DPH6: variants seen among roughly 807,000 people sequenced by gnomAD.
DPH6 encodes diphthamine biosynthesis 6, also known as diphthine--ammonia ligase.
Under a neutral mutation model 38.2 loss-of-function variants are expected in DPH6, and 33 were observed. That is an observed-to-expected ratio of 0.86 (90% CI 0.65 to 1.15). The LOEUF (loss-of-function observed/expected upper bound fraction) is 1.15. Among genes scored for constraint, DPH6 ranks in the 50% most tolerant of loss-of-function variants. The pLI is 0.00. For missense variants in DPH6, 325 were observed against 320.0 expected (o/e 1.02, Z -0.12); for synonymous variants, 108 against 103.0 (o/e 1.05, Z -0.30).
At chr15:35,470,764 T>TA (rs1423487601) in intron 3 of DPH6, among the ~76,000 whole-genome samples, 1 of 152,190 alleles carries the variant, frequency 6.6e-6, no homozygotes, top group Admixed American at 6.5e-5. Flanking sequence ...TCACAGTCTT[T>TA]AAAAGTACGG....
chr15:35,443,266 A>C (rs1455422292), intron 5 of DPH6, among the ~76,000 whole-genome samples: 4 of 152,180 alleles, frequency 2.6e-5, no homozygotes, highest in Non-Finnish European at 4.4e-5. Flanking sequence ...TAATATCTAT[A>C]TCTATTGGTA....
At chr15:35,153,469 A>AT in the DPH6 span, among the ~76,000 whole-genome samples, 1 of 152,136 alleles carries the variant, frequency 6.6e-6, no homozygotes, top group Middle Eastern at 3.2e-3. Flanking sequence ...TGGTATTTGT[A>AT]TTTAAGTATT....
intron 3 of DPH6, among the ~76,000 whole-genome samples, chr15:35,471,845 T>C (rs1021544803): frequency 1.3e-5 from 2 of 152,262 alleles, no homozygotes; most frequent in African/African-American, 4.8e-5. Context: ...TACATGTTCT[T>C]AGTTCTATTA....
At chr15:35,385,670 AGGTTGAT>A (rs748198196) in intron 6 of DPH6, among the ~76,000 whole-genome samples, 4 of 151,984 alleles carry the variant, frequency 2.6e-5, no homozygotes, top group Non-Finnish European at 5.9e-5. Flanking sequence ...TGTAGATAAC[AGGTTGAT>A]GGTTGCAGCA....
At chr15:35,246,068 T>C (rs2051635933) in intron 3 of DPH6, among the ~76,000 whole-genome samples, 1 of 152,166 alleles carries the variant, frequency 6.6e-6, no homozygotes, top group South Asian at 2.1e-4. Context: ...CCCCTGCCCC[T>C]GCCAGCCAGA....
At chr15:35,471,932 C>T (rs7167035) in intron 3 of DPH6, among the ~76,000 whole-genome samples, 19,680 of 151,944 alleles carry the variant, frequency 0.13, 2,088 homozygotes, top group African/African-American at 0.3. Flanking sequence ...AAGAATTCAG[C>T]TATTTGTGTG....
the DPH6 span, among the ~76,000 whole-genome samples, chr15:35,157,943 C>T: frequency 7.1e-6 from 1 of 139,968 alleles, no homozygotes; most frequent in Non-Finnish European, 1.6e-5. Flanking sequence ...ACAACCCAGC[C>T]AAAAAAAAAA....
At chr15:35,153,883 G>A in the DPH6 span, among the ~76,000 whole-genome samples, 1 of 152,060 alleles carries the variant, frequency 6.6e-6, no homozygotes, top group Non-Finnish European at 1.5e-5. Flanking sequence ...TTAACATTTG[G>A]GGTGAGTAAT....
At chr15:35,428,040 T>C (rs1383876118) in intron 5 of DPH6, among the ~76,000 whole-genome samples, 1 of 151,954 alleles carries the variant, frequency 6.6e-6, no homozygotes, top group Non-Finnish European at 1.5e-5. Flanking sequence ...CAGGAGGCAA[T>C]GGCATAATAA....
At chr15:35,470,700 C>G (rs750659353) in intron 3 of DPH6, among the ~76,000 whole-genome samples, 18 of 152,160 alleles carry the variant, frequency 1.2e-4, no homozygotes, top group African/African-American at 3.9e-4. Context: ...TGCTAACAAA[C>G]AGAAACATTA....
intron 3 of DPH6, among the ~76,000 whole-genome samples, chr15:35,256,028 T>G (rs979659243): frequency 6.6e-6 from 1 of 152,002 alleles, no homozygotes; most frequent in Non-Finnish European, 1.5e-5. Flanking sequence ...ATATAACATA[T>G]ATAAATCTTT....
rs1488967532 is a variant in DPH6 at position 35,450,910 on chromosome 15, A to G, written c.387-107T>C. 3.4e-6 allele frequency: 3 copies of G among 875,580 alleles called. No individual in the cohort carries two copies. The African/African-American group carries it at 5.1e-5, about 15-fold the overall frequency. The allele number at this position is 875,580 out of a possible 1,614,324, so 54.2% of individuals were successfully genotyped here. On this transcript the variant is annotated intron_variant, in intron 4 of 8. Transcript: ENST00000256538. Reference sequence around the variant, plus strand: ...ACATAATGCTTCGTTCAAGGATTTTAGCATTGAAAATGCTTTTAAAAACAT... The same window carrying G: ...ACATAATGCTTCGTTCAAGGATTTTGGCATTGAAAATGCTTTTAAAAACAT...
At chr15:35,458,062 T>C (rs2054018219) in intron 3 of DPH6, among the ~76,000 whole-genome samples, 1 of 152,206 alleles carries the variant, frequency 6.6e-6, no homozygotes, top group Admixed American at 6.5e-5. Context: ...TTACTTATAA[T>C]ACCCAAATAC....
intron 3 of DPH6, among the ~76,000 whole-genome samples, chr15:35,303,132 A>G (rs1370493080): frequency 3.9e-5 from 6 of 152,068 alleles, no homozygotes; most frequent in Admixed American, 2.6e-4. Context: ...AGTACATTAC[A>G]TTGGAGTTAG....
chr15:35,420,208 AAAG>A (rs1387867744), intron 5 of DPH6, among the ~76,000 whole-genome samples: 1 of 152,174 alleles, frequency 6.6e-6, no homozygotes, highest in East Asian at 1.9e-4. Context: ...TTACTGGGTC[AAAG>A]AAGAAATTAA....
At chr15:35,193,212 A>AT in the DPH6 span, among the ~76,000 whole-genome samples, 5,435 of 150,478 alleles carry the variant, frequency 0.036, 138 homozygotes, top group Non-Finnish European at 0.054. Flanking sequence ...ATCAAAATTA[A>AT]TTTTTTTTTT....
At chr15:35,407,218 C>A (rs189781638) in intron 6 of DPH6, among the ~76,000 whole-genome samples, 1 of 151,226 alleles carries the variant, frequency 6.6e-6, no homozygotes, top group South Asian at 2.1e-4. Context: ...TCCCTCGGAG[C>A]GGAAATTTGT....
At chr15:35,289,111 A>T (rs2051962607) in intron 3 of DPH6, among the ~76,000 whole-genome samples, 1 of 152,198 alleles carries the variant, frequency 6.6e-6, no homozygotes. Flanking sequence ...CTATGATAAA[A>T]GCCAGATGGT....
chr15:35,320,809 AT>A (rs1328613806), intron 3 of DPH6, among the ~76,000 whole-genome samples: 2 of 152,122 alleles, frequency 1.3e-5, no homozygotes, highest in Non-Finnish European at 2.9e-5. Flanking sequence ...ATTTATTATT[AT>A]TTTATATTTC....
Sources: allele counts gnomAD v4.1 joint callset (sites outside exome capture counted in the v4.1 genomes callset), GRCh38; gene constraint gnomAD v4.1.1; transcripts MANE v1.5; gene names NCBI Gene and HGNC (gene_info 2026-07-23, HGNC 2026-07-21).